Variants in SLCO6A1 observed in about 807,000 individuals in gnomAD.
SLCO6A1 encodes cancer/testis antigen 48.
In SLCO6A1, 65 loss-of-function variants were observed where a neutral mutation model predicts 72.7. The ratio of observed to expected loss-of-function variants is 0.89; its 90% CI spans 0.73 to 1.10. SLCO6A1 has a LOEUF of 1.10. Ranked by LOEUF, SLCO6A1 falls within the 50% of genes least tolerant of loss-of-function variation. The pLI, the probability that SLCO6A1 is intolerant of heterozygous loss-of-function variation, is 0.00. For synonymous variants in SLCO6A1, 314 were observed against 298.2 expected (o/e 1.05, Z -0.55); for missense variants, 874 against 872.6 (o/e 1.00, Z -0.02).
intron 1 of SLCO6A1, among the ~76,000 whole-genome samples, chr5:102,486,317 T>C (rs186719189): frequency 6.6e-6 from 1 of 152,290 alleles, no homozygotes; most frequent in East Asian, 1.9e-4. Context: ...CTCTTAGTTT[T>C]GGAGGGATGC....
chr5:102,475,180 C>T (rs1248045693), intron 4 of SLCO6A1, among the ~76,000 whole-genome samples: 1 of 151,892 alleles, frequency 6.6e-6, no homozygotes, highest in African/African-American at 2.4e-5. Context: ...GAGCTGGAAG[C>T]AACTTTAATG....
chr5:102,464,239 C>T lies in SLCO6A1; in HGVS notation c.900-4462G>A, dbSNP rs144138562. Reference sequence around the variant, plus strand: ...CGCAAGAAAGAACATTCAAAGTTTACGGAAAGAAAAATATTGACATATTTG... The same window carrying T: ...CGCAAGAAAGAACATTCAAAGTTTATGGAAAGAAAAATATTGACATATTTG... On this transcript the variant is annotated intron_variant, in intron 4 of 13. Coordinates refer to ENST00000506729, the MANE Select transcript of SLCO6A1 (RefSeq NM_173488.5). Among the ~76,000 whole-genome samples the T allele has an allele frequency of 2.7e-3, 416 of 151,718 alleles. 3 individuals are homozygous for T. Among genetic ancestry groups the T allele is most frequent in the African/African-American group, 7.2e-3 (297 of 41,374 alleles).
At chr5:102,477,595 T>G in intron 3 of SLCO6A1, 81 bp downstream of exon 3, 1 of 1,174,086 alleles carries the variant, frequency 8.5e-7, no homozygotes, top group South Asian at 1.5e-5. Context: ...CAATAGTACT[T>G]CTATATCAGC....
At chr5:102,410,146 A>T (rs1747894145) in intron 9 of SLCO6A1, among the ~76,000 whole-genome samples, 1 of 152,182 alleles carries the variant, frequency 6.6e-6, no homozygotes, top group Non-Finnish European at 1.5e-5. Flanking sequence ...ACAACAGCTC[A>T]AAGGAGAACT....
intron 7 of SLCO6A1, among the ~76,000 whole-genome samples, chr5:102,428,635 G>T (rs1749045781): frequency 1.3e-5 from 2 of 151,974 alleles, no homozygotes; most frequent in Admixed American, 1.3e-4. Flanking sequence ...TATTTTTTCT[G>T]ATCCTCTCCA....
At chr5:102,469,561 G>T (rs1253091635) in intron 4 of SLCO6A1, among the ~76,000 whole-genome samples, 2 of 152,146 alleles carry the variant, frequency 1.3e-5, no homozygotes, top group African/African-American at 4.8e-5. Context: ...ATTTTGGGCT[G>T]AGACGACGGG....
intron 9 of SLCO6A1, among the ~76,000 whole-genome samples, chr5:102,408,270 A>G (rs1235698205): frequency 6.6e-6 from 1 of 152,150 alleles, no homozygotes; most frequent in Non-Finnish European, 1.5e-5. Flanking sequence ...GTCTCCCAAA[A>G]TACCTTAATA....
chr5:102,429,452 C>A (rs1409181966), intron 7 of SLCO6A1, among the ~76,000 whole-genome samples: 2 of 152,114 alleles, frequency 1.3e-5, no homozygotes, highest in African/African-American at 2.4e-5. Context: ...ACATTTAAGT[C>A]TTTAATCCAT....
chr5:102,438,785 T>C (rs1232816413), intron 6 of SLCO6A1, 24 bp from the exon 7 acceptor site: 5 of 1,454,840 alleles, frequency 3.4e-6, no homozygotes, highest in East Asian at 2.6e-5. Flanking sequence ...AAGTTATATA[T>C]CTATTATTTT....
intron 7 of SLCO6A1, among the ~76,000 whole-genome samples, chr5:102,429,015 G>A (rs150960792): frequency 1.8e-3 from 280 of 151,934 alleles, no homozygotes; most frequent in African/African-American, 6.3e-3. Flanking sequence ...ATGGTATCTC[G>A]TGGTATTGAT....
At chr5:102,451,104 G>A (rs1321686909) in intron 6 of SLCO6A1, among the ~76,000 whole-genome samples, 1 of 152,314 alleles carries the variant, frequency 6.6e-6, no homozygotes, top group African/African-American at 2.4e-5. Flanking sequence ...AGGATTCCAT[G>A]TGGAAAACAA....
At chr5:102,408,030 C>A (rs1304532662) in intron 9 of SLCO6A1, among the ~76,000 whole-genome samples, 3 of 152,082 alleles carry the variant, frequency 2.0e-5, no homozygotes, top group Non-Finnish European at 4.4e-5. Flanking sequence ...GTACAATAAT[C>A]CCCCCTTATC....
intron 1 of SLCO6A1, among the ~76,000 whole-genome samples, chr5:102,494,533 A>T (rs1262676191): frequency 6.6e-6 from 1 of 152,234 alleles, no homozygotes; most frequent in Non-Finnish European, 1.5e-5. Flanking sequence ...TTTATTCAAC[A>T]AAAGGCTTGC....
At chr5:102,421,814 G>T (rs1748623469) in intron 7 of SLCO6A1, among the ~76,000 whole-genome samples, 5 of 152,184 alleles carry the variant, frequency 3.3e-5, no homozygotes, top group Admixed American at 3.3e-4. Context: ...TGACTCCCAT[G>T]CCTCCTGACT....
chr5:102,385,826 C>CT (rs57983218), intron 12 of SLCO6A1, among the ~76,000 whole-genome samples: 2,008 of 121,184 alleles, frequency 0.017, 21 homozygotes, highest in Non-Finnish European at 0.026. Flanking sequence ...CCTGTTTTTC[C>CT]TTTTTTTTTT....
At chr5:102,426,585 G>A (rs1580404372) in intron 7 of SLCO6A1, among the ~76,000 whole-genome samples, 1 of 152,068 alleles carries the variant, frequency 6.6e-6, no homozygotes, top group Admixed American at 6.6e-5. Flanking sequence ...TCTCATGCCA[G>A]TTAGAAAGGC....
intron 7 of SLCO6A1, among the ~76,000 whole-genome samples, chr5:102,427,064 CA>C (rs1160325474): frequency 6.7e-6 from 1 of 149,980 alleles, no homozygotes; most frequent in Non-Finnish European, 1.5e-5. Flanking sequence ...GGGAGTTGAA[CA>C]ATGACATAAA....
chr5:102,483,553 G>T (rs905978328), intron 1 of SLCO6A1, among the ~76,000 whole-genome samples: 2 of 152,118 alleles, frequency 1.3e-5, no homozygotes, highest in African/African-American at 2.4e-5. Context: ...GCAATTTTTG[G>T]TATATAGAAT....
chr5:102,392,967 C>G (rs1014788242), intron 10 of SLCO6A1, among the ~76,000 whole-genome samples: 1 of 152,134 alleles, frequency 6.6e-6, no homozygotes, highest in Non-Finnish European at 1.5e-5. Flanking sequence ...TGTTTACGCA[C>G]TTCTCAAGCC....
Sources: gnomAD v4.1 joint callset for allele counts (sites outside exome capture counted in the v4.1 genomes callset) on GRCh38, gnomAD v4.1.1 for gene constraint, MANE v1.5 for transcripts, NCBI Gene and HGNC (gene_info 2026-07-23, HGNC 2026-07-21) for gene names.